The following THSD4 variants were observed in gnomAD, a reference collection of about 807,000 sequenced individuals.
The protein encoded by THSD4 is thrombospondin type 1 domain containing 4.
Under a neutral mutation model 119.0 loss-of-function variants are expected in THSD4, and 69 were observed. That is an observed-to-expected ratio of 0.58 (90% CI 0.48 to 0.71). THSD4 has a LOEUF of 0.71. Ranked by LOEUF, THSD4 falls within the 30% of genes least tolerant of loss-of-function variation. The pLI, the probability that THSD4 is intolerant of heterozygous loss-of-function variation, is 0.00. For synonymous variants in THSD4, 524 were observed against 540.4 expected, an observed-to-expected ratio of 0.97 and a Z score of 0.42; for missense variants, 1,393 against 1,391.1, an observed-to-expected ratio of 1.00 and a Z score of -0.02.
At chr15:71,452,980 T>C (rs956684717) in intron 7 of THSD4, among the ~76,000 whole-genome samples, 2 of 152,264 alleles carry the variant, frequency 1.3e-5, no homozygotes, top group South Asian at 4.2e-4. Flanking sequence ...GGTGCTCTTA[T>C]AAGAAAAGAC....
intron 7 of THSD4, among the ~76,000 whole-genome samples, chr15:71,522,423 A>G (rs2048455892): frequency 6.6e-6 from 1 of 152,202 alleles, no homozygotes; most frequent in Non-Finnish European, 1.5e-5. Flanking sequence ...TGGACAGATC[A>G]TAGAAGACAG....
intron 4 of THSD4, among the ~76,000 whole-genome samples, chr15:71,222,856 G>A (rs534977908): frequency 2.0e-5 from 3 of 152,308 alleles, no homozygotes; most frequent in East Asian, 3.9e-4. Flanking sequence ...CTGAAAGGCT[G>A]TAAACTACAG....
chr15:71,315,102 G>A (rs960052242), intron 6 of THSD4, among the ~76,000 whole-genome samples: 2 of 152,136 alleles, frequency 1.3e-5, no homozygotes, highest in African/African-American at 4.8e-5. Flanking sequence ...TAACAGGGAG[G>A]ACTATTAGAA....
At chr15:71,278,056 G>A (rs577041417) in intron 6 of THSD4, among the ~76,000 whole-genome samples, 42 of 152,346 alleles carry the variant, frequency 2.8e-4, no homozygotes, top group Admixed American at 1.0e-3. Context: ...ACTCCGCCTT[G>A]TGAGGAAAGC....
intron 16 of THSD4, among the ~76,000 whole-genome samples, chr15:71,768,015 G>T (rs2053744184): frequency 6.6e-6 from 1 of 152,150 alleles, no homozygotes; most frequent in African/African-American, 2.4e-5. Flanking sequence ...AAACTGATAA[G>T]TCATCATCAT....
intron 8 of THSD4, among the ~76,000 whole-genome samples, chr15:71,718,421 G>T (rs2141106857): frequency 6.6e-6 from 1 of 152,298 alleles, no homozygotes; most frequent in South Asian, 2.1e-4. Flanking sequence ...CAGTTGCAGG[G>T]CTGGTTCTGT....
chr15:71,232,573 G>C (rs540022917), intron 4 of THSD4, among the ~76,000 whole-genome samples: 1 of 152,198 alleles, frequency 6.6e-6, no homozygotes, highest in Non-Finnish European at 1.5e-5. Context: ...AAGTACAGAA[G>C]TAGGTAGGGT....
rs552794923 is a variant in THSD4 at position 71,703,474 on chromosome 15, A to C, written c.1358-25075A>C. The stretch of plus-strand genomic sequence containing the variant: ...CTGTCCATTGGCATCTTAATGTTTC[A>C]CTCAATCATTCCTGGTTAGTGGCCT... On this transcript the variant is annotated intron_variant, in intron 8 of 17. Transcript: ENST00000261862. Among the ~76,000 whole-genome samples, 263 of 152,236 alleles carry C rather than the reference A, an allele frequency of 1.7e-3. 2 individuals are homozygous for C. The highest frequency in any genetic ancestry group is 6.0e-3 in the African/African-American group (249 of 41,522).
chr15:71,519,244 G>A (rs750351133), intron 7 of THSD4, among the ~76,000 whole-genome samples: 34 of 152,154 alleles, frequency 2.2e-4, no homozygotes, highest in Admixed American at 1.0e-3. Flanking sequence ...CTGTGTAGCC[G>A]GTGGGGGTGA....
intron 7 of THSD4, among the ~76,000 whole-genome samples, chr15:71,478,981 C>G (rs2047687256): frequency 6.6e-6 from 1 of 152,150 alleles, no homozygotes; most frequent in Non-Finnish European, 1.5e-5. Flanking sequence ...TATCCTTTAA[C>G]TGAAACAACT....
At chr15:71,599,037 T>TC (rs1306611539) in intron 7 of THSD4, among the ~76,000 whole-genome samples, 2 of 152,126 alleles carry the variant, frequency 1.3e-5, no homozygotes. Context: ...CGACCTTTTT[T>TC]CCCCCTCTGA....
At chr15:71,367,143 T>C (rs1225593194) in intron 6 of THSD4, among the ~76,000 whole-genome samples, 2 of 152,198 alleles carry the variant, frequency 1.3e-5, no homozygotes, top group African/African-American at 4.8e-5. Context: ...CATTGTGTTA[T>C]AACACCCAGT....
chr15:71,540,460 T>A (rs1883113273), intron 7 of THSD4, among the ~76,000 whole-genome samples: 1 of 86,526 alleles, frequency 1.2e-5, no homozygotes, highest in Non-Finnish European at 2.2e-5. Flanking sequence ...TTTAAACGAG[T>A]CTCTGTCACC....
rs1170129213 is a variant in THSD4 at position 71,776,974 on chromosome 15, G to T, written c.2915-258G>T. ...AAATTTGGAACTTCTGATTACCTCT[G>T]GAGTGATGAGGATGAAGGAGGAAGT... is the stretch of plus-strand genomic sequence containing the variant. On this transcript the variant is annotated intron_variant, in intron 17 of 17. Transcript: ENST00000261862. Among the ~76,000 whole-genome samples, 3 of 152,180 alleles carry T rather than the reference G, an allele frequency of 2.0e-5. No homozygotes were observed. The East Asian group carries it at 5.8e-4, about 29-fold the overall frequency.
At chr15:71,664,459 AT>A (rs10712270) in intron 8 of THSD4, among the ~76,000 whole-genome samples, 57,526 of 151,908 alleles carry the variant, frequency 0.38, 11,743 homozygotes, top group East Asian at 0.89. Flanking sequence ...GCAGACTTGT[AT>A]TTATTAATGC....
chr15:71,099,939 G>C (rs1275437274), intron 1 of THSD4, among the ~76,000 whole-genome samples: 1 of 152,184 alleles, frequency 6.6e-6, no homozygotes, highest in Non-Finnish European at 1.5e-5. Context: ...CATCCGGCCT[G>C]GGTGACAGTT....
At chr15:71,317,673 G>A (rs139985937) in intron 6 of THSD4, among the ~76,000 whole-genome samples, 10 of 152,232 alleles carry the variant, frequency 6.6e-5, no homozygotes, top group East Asian at 1.9e-4. Context: ...TGGGAAGTTC[G>A]TTTTTTCACA....
At chr15:71,395,173 G>C (rs954862235) in intron 6 of THSD4, among the ~76,000 whole-genome samples, 3 of 152,318 alleles carry the variant, frequency 2.0e-5, no homozygotes, top group Middle Eastern at 3.4e-3. Context: ...GATGGTGAAG[G>C]ACCGGATGGC....
At chr15:71,243,781 C>CTTTT (rs34842560) in intron 5 of THSD4, among the ~76,000 whole-genome samples, 22 of 104,934 alleles carry the variant, frequency 2.1e-4, no homozygotes, top group East Asian at 5.5e-4. Flanking sequence ...GTGCTCAGCA[C>CTTTT]TTTTTTTTTT....
Sources: allele counts gnomAD v4.1 joint callset (sites outside exome capture counted in the v4.1 genomes callset), GRCh38; gene constraint gnomAD v4.1.1; transcripts MANE v1.5; gene names NCBI Gene and HGNC (gene_info 2026-07-23, HGNC 2026-07-21).